The following DPP10 variants were observed in gnomAD, a reference collection of about 807,000 sequenced individuals.
DPP10 encodes the protein inactive dipeptidyl peptidase 10.
In DPP10, 33 loss-of-function variants were observed where a neutral mutation model predicts 120.9. The observed-to-expected ratio is 0.27, with a 90% CI of 0.21 to 0.37. The LOEUF is 0.37. DPP10 is among the 10% of genes least tolerant of loss of function. The pLI, the probability that DPP10 is intolerant of heterozygous loss-of-function variation, is 1.00. For missense variants in DPP10, 816 were observed against 942.8 expected (o/e 0.87, Z 1.76); for synonymous variants, 337 against 326.1 (o/e 1.03, Z -0.36).
At chr2:115,176,779 C>T (rs1056194025) in intron 1 of DPP10, among the ~76,000 whole-genome samples, 4 of 152,122 alleles carry the variant, frequency 2.6e-5, no homozygotes, top group South Asian at 2.1e-4. Context: ...AATTTGATTA[C>T]GACCACATAA....
At chr2:114,558,729 T>C (rs756877461) in intron 1 of DPP10, among the ~76,000 whole-genome samples, 1 of 152,228 alleles carries the variant, frequency 6.6e-6, no homozygotes, top group Non-Finnish European at 1.5e-5. Flanking sequence ...TATTATATGT[T>C]TAAATATTAA....
chr2:114,445,210 A>G (rs531647083), intron 1 of DPP10, among the ~76,000 whole-genome samples: 10 of 152,302 alleles, frequency 6.6e-5, no homozygotes, highest in Non-Finnish European at 8.8e-5. Context: ...CTATCAATTT[A>G]CTATCAGATA....
At chr2:114,576,880 T>TTG (rs1558898032) in intron 1 of DPP10, among the ~76,000 whole-genome samples, 1 of 152,004 alleles carries the variant, frequency 6.6e-6, no homozygotes, top group Non-Finnish European at 1.5e-5. Context: ...AGTGTTTTTT[T>TTG]TTTGTTTGTT....
intron 2 of DPP10, among the ~76,000 whole-genome samples, chr2:115,335,126 G>A (rs1348351351): frequency 6.6e-6 from 1 of 151,818 alleles, no homozygotes; most frequent in Non-Finnish European, 1.5e-5. Context: ...CTTGTGCAGG[G>A]AAACTGCCAT....
intron 1 of DPP10, among the ~76,000 whole-genome samples, chr2:115,090,358 G>A (rs745914197): frequency 6.6e-6 from 1 of 152,080 alleles, no homozygotes; most frequent in African/African-American, 2.4e-5. Flanking sequence ...TCTTAATGGG[G>A]TGGGAAGGAG....
At chr2:114,749,783 G>A (rs1396267830) in intron 1 of DPP10, among the ~76,000 whole-genome samples, 1 of 151,922 alleles carries the variant, frequency 6.6e-6, no homozygotes, top group African/African-American at 2.4e-5. Context: ...GAACGCCAAA[G>A]AGAAAAGCGT....
intron 1 of DPP10, among the ~76,000 whole-genome samples, chr2:114,519,007 A>G (rs1459215569): frequency 1.3e-5 from 2 of 152,244 alleles, no homozygotes; most frequent in Non-Finnish European, 2.9e-5. Context: ...CACTGTTTGA[A>G]GAAAAGGTTT....
chr2:115,276,129 C>G (rs554009063), intron 1 of DPP10, among the ~76,000 whole-genome samples: 4 of 152,146 alleles, frequency 2.6e-5, no homozygotes, highest in Admixed American at 2.0e-4. Flanking sequence ...TTCTACTTTG[C>G]TCTTGGCTGT....
chr2:114,480,361 T>G (rs1384187756), intron 1 of DPP10, among the ~76,000 whole-genome samples: 1 of 152,094 alleles, frequency 6.6e-6, no homozygotes, highest in African/African-American at 2.4e-5. Flanking sequence ...ACTGGGTATA[T>G]ACCCAAAGGA....
chr2:115,599,623 G>A (rs546881516), intron 5 of DPP10, among the ~76,000 whole-genome samples: 15 of 152,032 alleles, frequency 9.9e-5, no homozygotes, highest in Non-Finnish European at 1.6e-4. Flanking sequence ...TCTAGCCTCT[G>A]CACCATCCTG....
At chr2:115,161,931 G>T in intron 1 of DPP10, 1 of 1,442,292 alleles carries the variant, frequency 6.9e-7, no homozygotes, top group South Asian at 1.4e-5. Context: ...CCGCGAGGAA[G>T]CGAGCGCCAG....
At chr2:115,679,889 A>G (rs115840376) in intron 5 of DPP10, among the ~76,000 whole-genome samples, 11,549 of 152,078 alleles carry the variant, frequency 0.076, 627 homozygotes, top group Non-Finnish European at 0.11. Flanking sequence ...AGGATATAAA[A>G]TTATAGCTAG....
intron 3 of DPP10, among the ~76,000 whole-genome samples, chr2:115,401,189 T>G (rs1460949921): frequency 6.6e-6 from 1 of 152,200 alleles, no homozygotes; most frequent in Non-Finnish European, 1.5e-5. Flanking sequence ...AAGTGTGTTT[T>G]CCAAACCACT....
At chr2:115,437,829 G>T (rs749171047) in intron 3 of DPP10, among the ~76,000 whole-genome samples, 3 of 151,922 alleles carry the variant, frequency 2.0e-5, no homozygotes, top group Non-Finnish European at 4.4e-5. Context: ...CCAAAAATGA[G>T]CAAAAATGAT....
At chr2:115,380,235 C>A (rs1431934596) in intron 3 of DPP10, among the ~76,000 whole-genome samples, 1 of 152,110 alleles carries the variant, frequency 6.6e-6, no homozygotes, top group Non-Finnish European at 1.5e-5. Flanking sequence ...CATGGGTGCT[C>A]CTGTATTGGG....
chr2:115,618,126 C>T (rs190163667), intron 5 of DPP10, among the ~76,000 whole-genome samples: 215 of 152,088 alleles, frequency 1.4e-3, no homozygotes, highest in African/African-American at 4.9e-3. Context: ...ACTGAAACTG[C>T]GGAAAGCAAA....
intron 1 of DPP10, among the ~76,000 whole-genome samples, chr2:114,520,756 T>G (rs948280135): frequency 1.3e-5 from 2 of 152,212 alleles, no homozygotes; most frequent in Non-Finnish European, 2.9e-5. Flanking sequence ...CACAGTCATT[T>G]GAAGAGAGAA....
chr2:114,569,518 G>A (rs1432986746), intron 1 of DPP10, among the ~76,000 whole-genome samples: 2 of 152,132 alleles, frequency 1.3e-5, no homozygotes, highest in Non-Finnish European at 2.9e-5. Context: ...CAAGGACCCG[G>A]CAGACTGATA....
At chr2:115,163,004 G>C (rs1281627088) in intron 1 of DPP10, among the ~76,000 whole-genome samples, 3 of 152,252 alleles carry the variant, frequency 2.0e-5, no homozygotes, top group African/African-American at 4.8e-5. Flanking sequence ...GGCAGAGAGA[G>C]CTGCACTTAG....
Sources: gnomAD v4.1 joint callset for allele counts (sites outside exome capture counted in the v4.1 genomes callset) on GRCh38, gnomAD v4.1.1 for gene constraint, MANE v1.5 for transcripts, NCBI Gene and HGNC (gene_info 2026-07-23, HGNC 2026-07-21) for gene names.